Variants in HS3ST2 observed in about 807,000 individuals in gnomAD.
HS3ST2 encodes the protein heparan sulfate-glucosamine 3-sulfotransferase 2, also known as heparan sulfate glucosamine 3-O-sulfotransferase 2.
HS3ST2 carries 17 observed loss-of-function variants against 26.3 expected under a neutral mutation model. That is an observed-to-expected ratio of 0.65 (90% CI 0.44 to 0.97). The LOEUF is 0.97. HS3ST2 is among the 50% of genes least tolerant of loss of function. The pLI is 0.00. For synonymous variants in HS3ST2, 237 were observed against 219.2 expected (o/e 1.08, Z -0.72); for missense variants, 402 against 501.2 (o/e 0.80, Z 1.89).
intron 1 of HS3ST2, among the ~76,000 whole-genome samples, chr16:22,831,808 G>T (rs1224865202): frequency 6.6e-6 from 1 of 152,060 alleles, no homozygotes; most frequent in Non-Finnish European, 1.5e-5. Context: ...GGGAGGGGTG[G>T]CCACAAGAGG....
intron 1 of HS3ST2, among the ~76,000 whole-genome samples, chr16:22,908,147 G>T (rs1378834119): frequency 1.3e-5 from 2 of 152,132 alleles, no homozygotes; most frequent in African/African-American, 4.8e-5. Flanking sequence ...ACACAAACCA[G>T]CATGAGAGAA....
At chr16:22,857,008 G>A (rs1429120707) in intron 1 of HS3ST2, among the ~76,000 whole-genome samples, 1 of 152,018 alleles carries the variant, frequency 6.6e-6, no homozygotes, top group African/African-American at 2.4e-5. Context: ...ATATATTCGA[G>A]GCACTATCCT....
At chr16:22,858,469 A>C (rs1901631405) in intron 1 of HS3ST2, among the ~76,000 whole-genome samples, 2 of 151,990 alleles carry the variant, frequency 1.3e-5, no homozygotes, top group Non-Finnish European at 2.9e-5. Context: ...AAGATGTTTT[A>C]TGTTCCCAAA....
chr16:22,906,031 T>C (rs1190982971), intron 1 of HS3ST2, among the ~76,000 whole-genome samples: 1 of 152,120 alleles, frequency 6.6e-6, no homozygotes, highest in Non-Finnish European at 1.5e-5. Context: ...TCTGCCACAG[T>C]GGTTCTAAGC....
chr16:22,878,610 C>CA (rs149361761), intron 1 of HS3ST2, among the ~76,000 whole-genome samples: 19,049 of 149,084 alleles, frequency 0.13, 1,716 homozygotes, highest in East Asian at 0.33. Context: ...CTAACAGGGT[C>CA]AAAAAAAAAG....
At chr16:22,821,329 G>A (rs1321214485) in intron 1 of HS3ST2, among the ~76,000 whole-genome samples, 1 of 151,380 alleles carries the variant, frequency 6.6e-6, no homozygotes, top group Non-Finnish European at 1.5e-5. Flanking sequence ...TTACCTGCAT[G>A]CTTTGGTAAT....
intron 1 of HS3ST2, among the ~76,000 whole-genome samples, chr16:22,892,513 GTTA>G (rs919738510): frequency 6.6e-6 from 1 of 152,022 alleles, no homozygotes; most frequent in African/African-American, 2.4e-5. Flanking sequence ...TTTCTAAAAT[GTTA>G]TTATAATCAC....
intron 1 of HS3ST2, among the ~76,000 whole-genome samples, chr16:22,887,035 A>G (rs1349799968): frequency 6.6e-6 from 1 of 152,158 alleles, no homozygotes; most frequent in Non-Finnish European, 1.5e-5. Flanking sequence ...TACAGACACA[A>G]GCCACCATGC....
chr16:22,829,934 A>G (rs1317843952), intron 1 of HS3ST2, among the ~76,000 whole-genome samples: 2 of 152,224 alleles, frequency 1.3e-5, no homozygotes, highest in East Asian at 1.9e-4. Flanking sequence ...GTCATCACAC[A>G]GACCTTGGTC....
chr16:22,908,113 T>A (rs191244181), intron 1 of HS3ST2, among the ~76,000 whole-genome samples: 1 of 152,056 alleles, frequency 6.6e-6, no homozygotes, highest in East Asian at 1.9e-4. Context: ...GGAGACAGAG[T>A]GAGACCCTGT....
chr16:22,905,455 G>A lies in HS3ST2; in HGVS notation c.486-9489G>A, dbSNP rs569949445. Among the ~76,000 whole-genome samples, 44 of 151,744 alleles carry A rather than the reference G, an allele frequency of 2.9e-4. No individual in the cohort carries two copies. In the South Asian group the frequency reaches 8.1e-3, roughly 28 times the overall value. On this transcript the variant is annotated intron_variant, in intron 1 of 1. Transcript: ENST00000261374. Reference sequence around the variant, plus strand: ...TTTTTTTTCTCTTTTTTTGGAAGGGGCTGCAGGAAGTCTGTGATGTTTCCC... The same window carrying A: ...TTTTTTTTCTCTTTTTTTGGAAGGGACTGCAGGAAGTCTGTGATGTTTCCC...
chr16:22,897,509 C>G (rs1902226167), intron 1 of HS3ST2, among the ~76,000 whole-genome samples: 1 of 152,190 alleles, frequency 6.6e-6, no homozygotes, highest in South Asian at 2.1e-4. Context: ...AGGACTTAGA[C>G]TATTATTTTC....
chr16:22,855,996 C>T (rs1188161524), intron 1 of HS3ST2, among the ~76,000 whole-genome samples: 1 of 152,026 alleles, frequency 6.6e-6, no homozygotes, highest in African/African-American at 2.4e-5. Context: ...TGGATCTGCC[C>T]CACTCAAACT....
In HS3ST2 at chr16:22,814,941, A is replaced by G; in HGVS notation, c.331A>G (p.Thr111Ala). The change falls in exon 1 of 2, where the codon ACC becomes GCC. Residue 111 changes from threonine (T) to alanine (A), a missense_variant. Thr to Ala is a moderately conservative substitution (Grantham distance 58). This residue lies in a region of HS3ST2 where 237 missense variants were observed against 346.6 expected (regional missense o/e 0.68). Coordinates refer to ENST00000261374, the MANE Select transcript of HS3ST2 (RefSeq NM_006043.2). The part of the protein sequence containing the change: ...SNHSGSPKLG[T>A]KRLPQALIVG... ...CCACTCCGGCTCACCCAAGCTGGGT[A>G]CCAAGCGGTTGCCCCAAGCCCTCAT... 6.2e-7 allele frequency: 1 copy of G among 1,609,916 alleles called. No homozygotes were observed. The highest frequency in any genetic ancestry group is 1.1e-5 in the South Asian group (1 of 90,306).
intron 1 of HS3ST2, among the ~76,000 whole-genome samples, chr16:22,879,234 A>G (rs1237653017): frequency 6.6e-6 from 1 of 152,208 alleles, no homozygotes; most frequent in African/African-American, 2.4e-5. Flanking sequence ...TTCTGAGCAA[A>G]TAACCAGTCT....
At chr16:22,892,245 G>A (rs1179609700) in intron 1 of HS3ST2, among the ~76,000 whole-genome samples, 2 of 151,084 alleles carry the variant, frequency 1.3e-5, no homozygotes, top group African/African-American at 2.4e-5. Flanking sequence ...AGCCGAGATC[G>A]TGCCACTGCA....
At chr16:22,855,312 T>C (rs891208708) in intron 1 of HS3ST2, among the ~76,000 whole-genome samples, 8 of 152,092 alleles carry the variant, frequency 5.3e-5, no homozygotes, top group African/African-American at 1.9e-4. Context: ...TTTTTGCAAG[T>C]TGAGGGGTTG....
chr16:22,914,795 G>C (rs1259318418), intron 1 of HS3ST2, 149 bp from the exon 2 acceptor site: 11 of 374,274 alleles, frequency 2.9e-5, no homozygotes, highest in Non-Finnish European at 4.4e-5. Flanking sequence ...AAGATTTAAA[G>C]TGAGTACCTC....
At chr16:22,860,332 T>C (rs1251573883) in intron 1 of HS3ST2, among the ~76,000 whole-genome samples, 7 of 152,232 alleles carry the variant, frequency 4.6e-5, no homozygotes, top group Admixed American at 3.3e-4. Context: ...ACTTATTCAC[T>C]ATCACGAGAA....
Sources: gnomAD v4.1 joint callset for allele counts (sites outside exome capture counted in the v4.1 genomes callset) on GRCh38, gnomAD v4.1.1 for gene constraint, gnomAD v4.1.1 regional missense constraint, MANE v1.5 for transcripts, NCBI Gene and HGNC (gene_info 2026-07-23, HGNC 2026-07-21) for gene names.